MECR: variants seen among roughly 807,000 people sequenced by gnomAD.
MECR encodes the protein enoyl-[acyl-carrier-protein] reductase, mitochondrial.
Under a neutral mutation model 49.1 loss-of-function variants are expected in MECR, and 37 were observed. The observed-to-expected ratio is 0.75, with a 90% CI of 0.58 to 0.99. The LOEUF (loss-of-function observed/expected upper bound fraction) is 0.99, where lower values mean the gene tolerates loss of function less well. Among genes scored for constraint, MECR ranks in the 50% least tolerant of loss-of-function variants. The probability of loss-of-function intolerance (pLI) is 0.00; values close to 1 mark genes in which losing one functional copy is unlikely to be tolerated. For synonymous variants in MECR, 198 were observed against 191.1 expected, an observed-to-expected ratio of 1.04 and a Z score of -0.30; for missense variants, 470 against 479.6, an observed-to-expected ratio of 0.98 and a Z score of 0.19.
At chr1:29,181,238 C>T in the MECR span, among the ~76,000 whole-genome samples, 1 of 152,326 alleles carries the variant, frequency 6.6e-6, no homozygotes, top group South Asian at 2.1e-4. Flanking sequence ...TGAAAGGGAG[C>T]AGGAAATCCT....
At chr1:29,188,733 G>A (rs1216331968), downstream of MECR, among the ~76,000 whole-genome samples, 1 of 151,840 alleles carries the variant, frequency 6.6e-6, no homozygotes, top group African/African-American at 2.4e-5. Context: ...TCCACCTCCC[G>A]GGTTCAAGCA....
the MECR span, chr1:29,181,606 T>C: frequency 6.5e-7 from 1 of 1,533,200 alleles, no homozygotes; most frequent in South Asian, 1.2e-5. Context: ...ACCTATGGGG[T>C]CTGTCCCCGC....
downstream of MECR, among the ~76,000 whole-genome samples, chr1:29,188,080 A>T (rs1159439794): frequency 2.7e-5 from 4 of 147,074 alleles, no homozygotes; most frequent in African/African-American, 9.9e-5. Context: ...ATGCCTGGCT[A>T]ATTTTTGTAT....
chr1:29,179,251 A>G, the MECR span, among the ~76,000 whole-genome samples: 1 of 152,130 alleles, frequency 6.6e-6, no homozygotes, highest in African/African-American at 2.4e-5. Context: ...TCCATGCTAG[A>G]TTGTTTATTA....
chr1:29,180,209 C>G, the MECR span, among the ~76,000 whole-genome samples: 1 of 152,174 alleles, frequency 6.6e-6, no homozygotes, highest in Non-Finnish European at 1.5e-5. Flanking sequence ...CACACTTTGT[C>G]CACAAAAGTT....
the MECR span, among the ~76,000 whole-genome samples, chr1:29,168,140 G>A: frequency 2.6e-5 from 4 of 151,346 alleles, no homozygotes; most frequent in Non-Finnish European, 4.4e-5. Flanking sequence ...TCAGCCTTTA[G>A]AGTGGCTGGG....
chr1:29,177,738 C>T, the MECR span, among the ~76,000 whole-genome samples: 3 of 152,050 alleles, frequency 2.0e-5, no homozygotes, highest in African/African-American at 7.2e-5. Flanking sequence ...TCTACATTAG[C>T]GATGCCTGGT....
chr1:29,209,872 A>G (rs1240250789), intron 3 of MECR, among the ~76,000 whole-genome samples: 2 of 152,022 alleles, frequency 1.3e-5, no homozygotes, highest in Non-Finnish European at 2.9e-5. Context: ...AGTTGCTGGG[A>G]TTCTAATGGT....
the MECR span, among the ~76,000 whole-genome samples, chr1:29,176,021 G>A: frequency 1.3e-5 from 2 of 152,136 alleles, no homozygotes; most frequent in Non-Finnish European, 2.9e-5. Flanking sequence ...GGGAGGCCGA[G>A]GCAGGTGGAT....
chr1:29,212,021 CATGCTGCAG>C (rs1678140048), intron 3 of MECR, among the ~76,000 whole-genome samples: 1 of 152,234 alleles, frequency 6.6e-6, no homozygotes, highest in African/African-American at 2.4e-5. Context: ...TCAAGCCCAG[CATGCTGCAG>C]ATGCTCACAA....
downstream of MECR, among the ~76,000 whole-genome samples, chr1:29,190,454 G>A (rs1411674220): frequency 4.6e-5 from 7 of 151,928 alleles, no homozygotes; most frequent in Non-Finnish European, 8.8e-5. Flanking sequence ...AGGGTGGAAG[G>A]GGAAGGGGAA....
At chr1:29,188,612 G>A (rs1242558552), downstream of MECR, among the ~76,000 whole-genome samples, 1 of 151,870 alleles carries the variant, frequency 6.6e-6, no homozygotes, top group African/African-American at 2.4e-5. Flanking sequence ...CTTCAGGTGC[G>A]CTCAAGCTTT....
chr1:29,229,571 T>C (rs1219786364), intron 1 of MECR, among the ~76,000 whole-genome samples: 1 of 152,182 alleles, frequency 6.6e-6, no homozygotes, highest in African/African-American at 2.4e-5. Context: ...ATCAAACTAT[T>C]TGCTGGGAAT....
downstream of MECR, among the ~76,000 whole-genome samples, chr1:29,190,489 G>A (rs1673100568): frequency 6.6e-6 from 1 of 151,422 alleles, no homozygotes. Flanking sequence ...ATGCAGGCCT[G>A]CTATATTTTA....
chr1:29,181,738 G>A, the MECR span: 682 of 1,584,662 alleles, frequency 4.3e-4, 1 homozygote, highest in Non-Finnish European at 5.7e-4. Flanking sequence ...GGCGGCCGAT[G>A]TACACCCGCG....
the MECR span, chr1:29,181,572 TC>T: frequency 3.8e-5 from 50 of 1,314,924 alleles, no homozygotes; most frequent in Non-Finnish European, 5.2e-5. Flanking sequence ...GGCGTCCCTC[TC>T]CCGTCCCCGC....
At chr1:29,188,930 G>C (rs1046034773), downstream of MECR, among the ~76,000 whole-genome samples, 1 of 149,814 alleles carries the variant, frequency 6.7e-6, no homozygotes, top group South Asian at 2.1e-4. Context: ...GAGCCACCAC[G>C]CCCAGCCTAT....
chr1:29,169,015 TTAAC>T, the MECR span: 1 of 152,254 alleles, frequency 6.6e-6, no homozygotes, highest in Non-Finnish European at 1.5e-5. Flanking sequence ...TTAATTTTCA[TTAAC>T]TAAAAACTAT....
rs569775742 is a variant in MECR, at chr1:29,219,534, C to T, written c.177-2849G>A. Among the ~76,000 whole-genome samples, 5 of 152,172 alleles carry T rather than the reference C, an allele frequency of 3.3e-5. No homozygotes were observed. The South Asian group carries it at 1.0e-3, about 32-fold the overall frequency. ...AAAAAAAAATCACTTGCTCAGTATT[C>T]CCATTGTACAGAATTATACATCATG... On this transcript the variant is annotated intron_variant, in intron 1 of 9. Transcript: ENST00000263702.
Sources: gnomAD v4.1 joint callset for allele counts (sites outside exome capture counted in the v4.1 genomes callset) on GRCh38, gnomAD v4.1.1 for gene constraint, MANE v1.5 for transcripts, NCBI Gene and HGNC (gene_info 2026-07-23, HGNC 2026-07-21) for gene names.